Variants in ERG observed in about 807,000 individuals in gnomAD.
ERG encodes ETS transcription factor ERG, also known as transcriptional regulator ERG.
Under a neutral mutation model 55.3 loss-of-function variants are expected in ERG, and 9 were observed. The ratio of observed to expected loss-of-function variants is 0.16; its 90% CI spans 0.10 to 0.28. ERG has a LOEUF of 0.28. Ranked by LOEUF, ERG falls within the 10% of genes least tolerant of loss-of-function variation. The pLI, the probability that ERG is intolerant of heterozygous loss-of-function variation, is 1.00. For synonymous variants in ERG, 223 were observed against 237.3 expected (o/e 0.94, Z 0.55); for missense variants, 434 against 631.6 (o/e 0.69, Z 3.35).
intron 2 of ERG, among the ~76,000 whole-genome samples, chr21:38,443,732 G>C (rs2058863196): frequency 6.6e-6 from 1 of 150,462 alleles, no homozygotes; most frequent in East Asian, 2.0e-4. Flanking sequence ...TTTCTATCCA[G>C]GTCCTTCTGT....
chr21:38,629,107 G>T (rs1009110681), intron 1 of ERG, among the ~76,000 whole-genome samples: 1 of 152,192 alleles, frequency 6.6e-6, no homozygotes, highest in Non-Finnish European at 1.5e-5. Context: ...CCTGGACAAG[G>T]GAACACAGGC....
At chr21:38,644,361 T>A (rs463501) in intron 1 of ERG, among the ~76,000 whole-genome samples, 13 of 152,126 alleles carry the variant, frequency 8.5e-5, no homozygotes, top group Non-Finnish European at 1.3e-4. Flanking sequence ...ATTGATTTTC[T>A]TAAAGGAGAT....
chr21:38,427,533 G>A (rs573243809), intron 2 of ERG, among the ~76,000 whole-genome samples: 1 of 152,336 alleles, frequency 6.6e-6, no homozygotes, highest in Non-Finnish European at 1.5e-5. Context: ...ACAAGGGGCT[G>A]GCTCCAGGAC....
chr21:38,591,064 G>A (rs549188744), intron 1 of ERG, among the ~76,000 whole-genome samples: 1 of 152,312 alleles, frequency 6.6e-6, no homozygotes, highest in Non-Finnish European at 1.5e-5. Flanking sequence ...GACTGAGAAG[G>A]AAAAGGAAAA....
intron 1 of ERG, among the ~76,000 whole-genome samples, chr21:38,488,625 T>A (rs1480031374): frequency 6.6e-6 from 1 of 152,232 alleles, no homozygotes. Context: ...ATCTGTGAGC[T>A]GATATTTTTT....
chr21:38,507,255 C>T (rs565169054), intron 2 of ERG, among the ~76,000 whole-genome samples: 4 of 152,348 alleles, frequency 2.6e-5, no homozygotes, highest in Non-Finnish European at 5.9e-5. Flanking sequence ...CGTGATATTT[C>T]TCCGAAGGGA....
chr21:38,544,054 G>T (rs1398583172), intron 2 of ERG, among the ~76,000 whole-genome samples: 1 of 152,168 alleles, frequency 6.6e-6, no homozygotes, highest in African/African-American at 2.4e-5. Flanking sequence ...GAACACTATT[G>T]AATAGTGTGG....
upstream of ERG, among the ~76,000 whole-genome samples, chr21:38,503,131 T>C (rs1240450261): frequency 6.6e-6 from 1 of 152,228 alleles, no homozygotes; most frequent in Non-Finnish European, 1.5e-5. Flanking sequence ...TTTTTGTTTT[T>C]TCCCCTCTTC....
At chr21:38,602,637 T>C (rs545928147) in intron 1 of ERG, among the ~76,000 whole-genome samples, 11 of 151,976 alleles carry the variant, frequency 7.2e-5, no homozygotes, top group Non-Finnish European at 1.3e-4. Flanking sequence ...ATTTTGTAAA[T>C]AGCAGCACAG....
chr21:38,506,891 A>G (rs2059465324), intron 2 of ERG, among the ~76,000 whole-genome samples: 1 of 152,160 alleles, frequency 6.6e-6, no homozygotes, highest in Admixed American at 6.5e-5. Context: ...CAGGGAGGCT[A>G]GTTTTCAATG....
Position 38,480,591 on chromosome 21 carries a change from CT to C in ERG, c.18+17771del, listed in dbSNP as rs544037525. ...TTGCCACTTTAGGGCACTATATGGC[CT>C]TTTTTTTTTTTTTTTTTTTTTTGCC... On this transcript the variant is annotated intron_variant, in intron 1 of 9. Coordinates refer to ENST00000288319, the MANE Select transcript of ERG (RefSeq NM_182918.4). 9.1e-3 allele frequency among the ~76,000 whole-genome samples: 465 copies of C among 51,076 alleles called. 1 individual carries two copies. The highest frequency in any genetic ancestry group is 0.031 in the African/African-American group (403 of 12,824). The allele number at this position is 51,076 out of a possible 152,430, so 33.5% of individuals were successfully genotyped here. A position where few individuals can be genotyped will look rare whatever the true frequency, so the allele number is the denominator to read the frequency against.
At position 38,572,059 on chromosome 21, in the gene ERG, A is replaced by G. The variant is rs564182293; in HGVS notation, c.-41+3603T>C. Reference sequence around the variant, plus strand: ...AAAAGGAACCATTCATGTGCCATTTATAAGAACTTCCTTCCGGCCAGGTGC... The same window carrying G: ...AAAAGGAACCATTCATGTGCCATTTGTAAGAACTTCCTTCCGGCCAGGTGC... On this transcript the variant is annotated intron_variant, in intron 2 of 8. Transcript: ENST00000398897. 2.4e-4 allele frequency among the ~76,000 whole-genome samples: 36 copies of G among 152,316 alleles called. No individual in the cohort carries two copies. In the South Asian group the frequency reaches 7.0e-3, roughly 30 times the overall value.
At chr21:38,484,492 G>A (rs1013766) in intron 1 of ERG, among the ~76,000 whole-genome samples, 18,182 of 152,108 alleles carry the variant, frequency 0.12, 1,225 homozygotes, top group East Asian at 0.26. Context: ...AACAATGAAC[G>A]TCCTTCATTT....
intron 3 of ERG, among the ~76,000 whole-genome samples, chr21:38,410,195 C>T (rs566058849): frequency 6.6e-6 from 1 of 152,262 alleles, no homozygotes; most frequent in Non-Finnish European, 1.5e-5. Context: ...TCTGTTATCA[C>T]AGGGGCAGCC....
intron 1 of ERG, among the ~76,000 whole-genome samples, chr21:38,642,009 GA>G (rs1467490602): frequency 1.3e-5 from 2 of 152,164 alleles, no homozygotes; most frequent in Non-Finnish European, 2.9e-5. Context: ...TAGAAAACTA[GA>G]AACAGCCTGA....
intron 2 of ERG, among the ~76,000 whole-genome samples, chr21:38,512,801 A>G (rs2059522550): frequency 6.6e-6 from 1 of 152,186 alleles, no homozygotes. Context: ...ATTATAATAT[A>G]GAAATACTGA....
intron 1 of ERG, among the ~76,000 whole-genome samples, chr21:38,624,857 C>T (rs1197793277): frequency 6.6e-6 from 1 of 152,174 alleles, no homozygotes; most frequent in Non-Finnish European, 1.5e-5. Context: ...ATGTGGCTAT[C>T]TCCCCCACTA....
intron 1 of ERG, among the ~76,000 whole-genome samples, chr21:38,604,720 G>A (rs971281251): frequency 3.3e-5 from 5 of 152,130 alleles, no homozygotes; most frequent in African/African-American, 9.7e-5. Context: ...GTCTAAGTAC[G>A]AACTCAACTG....
At chr21:38,488,766 G>A (rs2059309975) in intron 1 of ERG, among the ~76,000 whole-genome samples, 1 of 152,112 alleles carries the variant, frequency 6.6e-6, no homozygotes, top group Non-Finnish European at 1.5e-5. Context: ...AAAAACATTC[G>A]AATTATGCAT....
Sources: allele counts gnomAD v4.1 joint callset (sites outside exome capture counted in the v4.1 genomes callset), GRCh38; gene constraint gnomAD v4.1.1; transcripts MANE v1.5; gene names NCBI Gene and HGNC (gene_info 2026-07-23, HGNC 2026-07-21).